CACNA1E: variants seen among roughly 807,000 people sequenced by gnomAD.
The protein encoded by CACNA1E is calcium voltage-gated channel subunit alpha1 E, also known as voltage-dependent R-type calcium channel subunit alpha-1E.
Under a neutral mutation model 259.2 loss-of-function variants are expected in CACNA1E, and 40 were observed. That is an observed-to-expected ratio of 0.15 (90% CI 0.12 to 0.20). The LOEUF is 0.20. CACNA1E is among the 10% of genes least tolerant of loss of function. The pLI, the probability that CACNA1E is intolerant of heterozygous loss-of-function variation, is 1.00. For missense variants in CACNA1E, 1,874 were observed against 3,040.1 expected, an observed-to-expected ratio of 0.62 and a Z score of 9.02; for synonymous variants, 1,104 against 1,138.5, an observed-to-expected ratio of 0.97 and a Z score of 0.61.
intron 1 of CACNA1E, among the ~76,000 whole-genome samples, chr1:181,334,970 C>A (rs559737208): frequency 6.6e-6 from 1 of 152,332 alleles, no homozygotes; most frequent in Non-Finnish European, 1.5e-5. Context: ...TCTCTCTATT[C>A]CAGTTGCACA....
chr1:181,537,599 G>T (rs1319829630), intron 3 of CACNA1E, among the ~76,000 whole-genome samples: 2 of 152,184 alleles, frequency 1.3e-5, no homozygotes, highest in Non-Finnish European at 2.9e-5. Flanking sequence ...TGAGAGAGAA[G>T]TTGAGGCAAT....
Position 181,726,078 on chromosome 1 carries a change from A to C in CACNA1E, c.2156A>C (p.Glu719Ala). 1 of 1,611,984 alleles carries C rather than the reference A, an allele frequency of 6.2e-7. No individual in the cohort carries two copies. The highest frequency in any genetic ancestry group is 8.5e-7 in the Non-Finnish European group (1 of 1,178,854). ...CTTTGTGTCTAGGATGAACAGGAGGAAGAAGAGGCCTTCAACCAGAAACAT... is the reference window on the plus strand; with the variant it reads ...CTTTGTGTCTAGGATGAACAGGAGGCAGAAGAGGCCTTCAACCAGAAACAT... ...AQELTKDEQEEEEAFNQKHAL... is the reference protein window; with the variant it reads ...AQELTKDEQEAEEAFNQKHAL... The change falls in exon 18 of 48, where the codon GAA becomes GCA. Residue 719 changes from glutamate (E) to alanine (A), a missense_variant. Glu to Ala is a moderately radical substitution (Grantham distance 107). Coordinates refer to ENST00000367573, the MANE Select transcript of CACNA1E (RefSeq NM_001205293.3).
intron 6 of CACNA1E, among the ~76,000 whole-genome samples, chr1:181,641,716 T>TTTG (rs1553308073): frequency 6.0e-5 from 2 of 33,472 alleles, no homozygotes; most frequent in African/African-American, 9.7e-5. Flanking sequence ...TTTTTTTTTT[T>TTTG]TTTTTTTTTT....
At chr1:181,659,442 C>T (rs773644389) in intron 7 of CACNA1E, among the ~76,000 whole-genome samples, 3 of 152,220 alleles carry the variant, frequency 2.0e-5, no homozygotes, top group Non-Finnish European at 2.9e-5. Flanking sequence ...AGCTTCCTGT[C>T]TCCATGGAAA....
chr1:181,771,152 G>A, intron 35 of CACNA1E, 141 bp from the exon 36 acceptor site: 1 of 603,094 alleles, frequency 1.7e-6, no homozygotes, highest in Non-Finnish European at 3.0e-6. Flanking sequence ...ACAGTATCCA[G>A]CAGCTCTCTG....
chr1:181,386,817 T>A (rs560364719), intron 1 of CACNA1E, among the ~76,000 whole-genome samples: 3 of 152,302 alleles, frequency 2.0e-5, no homozygotes, highest in South Asian at 4.1e-4. Flanking sequence ...CCCCAAACAC[T>A]GAAGCCTCTT....
At chr1:181,552,185 C>G (rs986504665) in intron 3 of CACNA1E, among the ~76,000 whole-genome samples, 1 of 152,210 alleles carries the variant, frequency 6.6e-6, no homozygotes, top group Non-Finnish European at 1.5e-5. Context: ...TAGGGTGACA[C>G]CCATGTTTGT....
chr1:181,321,415 A>T (rs1650333807), intron 1 of CACNA1E, among the ~76,000 whole-genome samples: 2 of 152,202 alleles, frequency 1.3e-5, no homozygotes, highest in South Asian at 2.1e-4. Context: ...TCACCATCTG[A>T]TTTTCAGGGT....
At position 181,802,491 on chromosome 1, in the gene CACNA1E, C is replaced by A. The variant is rs1662348040; in HGVS notation, c.*3657C>A. ...GGTCGTCTTCCCTCTGTTCTCCCAT[C>A]CCAGCCTCTGTTTTGCTGCATGTTA... On this transcript the variant is annotated 3_prime_UTR_variant, in exon 48 of 48. Coordinates refer to ENST00000367573, the MANE Select transcript of CACNA1E (RefSeq NM_001205293.3). 1 of 152,244 alleles carries A rather than the reference C, an allele frequency of 6.6e-6. No individual in the cohort carries two copies. Among genetic ancestry groups the A allele is most frequent in the Admixed American group, 6.5e-5 (1 of 15,284 alleles). 9.4% of individuals were successfully genotyped at this position (152,244 alleles called of 1,614,324 possible). A position where few individuals can be genotyped will look rare whatever the true frequency, so the allele number is the denominator to read the frequency against.
intron 21 of CACNA1E, among the ~76,000 whole-genome samples, chr1:181,734,920 T>C (rs1428199577): frequency 6.6e-6 from 1 of 152,170 alleles, no homozygotes; most frequent in Non-Finnish European, 1.5e-5. Flanking sequence ...CCATACCCCA[T>C]CCCTGCTCTG....
At chr1:181,792,647 GTCCCAGACACTCTT>G in intron 44 of CACNA1E, among the ~76,000 whole-genome samples, 1 of 149,090 alleles carries the variant, frequency 6.7e-6, no homozygotes, top group African/African-American at 2.5e-5. Context: ...TAAGGTGGGG[GTCCCAGACACTCTT>G]TCCTTTGGGC....
chr1:181,710,648 G>A (rs2102423172), intron 7 of CACNA1E, among the ~76,000 whole-genome samples: 1 of 152,304 alleles, frequency 6.6e-6, no homozygotes, highest in East Asian at 1.9e-4. Context: ...TGAAGAGGTG[G>A]AACATGGCAT....
intron 25 of CACNA1E, among the ~76,000 whole-genome samples, chr1:181,739,710 T>A (rs1237157034): frequency 6.6e-6 from 1 of 152,204 alleles, no homozygotes; most frequent in Non-Finnish European, 1.5e-5. Flanking sequence ...TTTCTATTCA[T>A]AGCAGGTGTA....
At chr1:181,484,214 T>C (rs1663572992) in intron 1 of CACNA1E, among the ~76,000 whole-genome samples, 1 of 152,164 alleles carries the variant, frequency 6.6e-6, no homozygotes, top group South Asian at 2.1e-4. Flanking sequence ...GGTAAGACTT[T>C]TGGTTTTTTA....
intron 2 of CACNA1E, among the ~76,000 whole-genome samples, chr1:181,456,177 ATG>A (rs1661451301): frequency 6.6e-6 from 1 of 151,450 alleles, no homozygotes; most frequent in African/African-American, 2.4e-5. Flanking sequence ...ATCATTGCTG[ATG>A]GTACCAGTGA....
At chr1:181,394,019 A>G (rs764157369) in intron 1 of CACNA1E, among the ~76,000 whole-genome samples, 1 of 152,202 alleles carries the variant, frequency 6.6e-6, no homozygotes, top group African/African-American at 2.4e-5. Flanking sequence ...CCTAGTCTCT[A>G]GACAGGGCCT....
At chr1:181,641,874 C>G (rs1323802182) in intron 6 of CACNA1E, among the ~76,000 whole-genome samples, 1 of 151,764 alleles carries the variant, frequency 6.6e-6, no homozygotes, top group African/African-American at 2.4e-5. Flanking sequence ...TCACCACACC[C>G]AGCTAATTTT....
intron 1 of CACNA1E, among the ~76,000 whole-genome samples, chr1:181,353,693 C>T (rs577090244): frequency 6.6e-6 from 1 of 152,088 alleles, no homozygotes; most frequent in Non-Finnish European, 1.5e-5. Context: ...TGTAAATAAA[C>T]CATTCTTCCC....
At position 181,737,263 on chromosome 1, in the gene CACNA1E, G is replaced by C. The variant is rs1241189142; in HGVS notation, c.3423-262G>C. On this transcript the variant is annotated intron_variant, in intron 22 of 47. Coordinates refer to ENST00000367573, the MANE Select transcript of CACNA1E (RefSeq NM_001205293.3). The stretch of plus-strand genomic sequence containing the variant: ...TGCCCTGAGTTGGTAGGCTGATGCT[G>C]GCTGCTCCCCATGGCTCAGACGTGT... Among the ~76,000 whole-genome samples, 5 of 152,302 alleles carry C rather than the reference G, an allele frequency of 3.3e-5. 1 individual carries two copies. In the East Asian group the frequency reaches 9.6e-4, roughly 29 times the overall value.
Sources: allele counts gnomAD v4.1 joint callset (sites outside exome capture counted in the v4.1 genomes callset), GRCh38; gene constraint gnomAD v4.1.1; transcripts MANE v1.5; gene names NCBI Gene and HGNC (gene_info 2026-07-23, HGNC 2026-07-21).